FARP1: variants seen among roughly 807,000 people sequenced by gnomAD.
FARP1 encodes FERM, ARH/RhoGEF and pleckstrin domain protein 1.
In FARP1, 52 loss-of-function variants were observed where a neutral mutation model predicts 128.8. The ratio of observed to expected loss-of-function variants is 0.40; its 90% CI spans 0.32 to 0.51. The LOEUF is 0.51. Ranked by LOEUF, FARP1 falls within the 20% of genes least tolerant of loss-of-function variation. The probability of loss-of-function intolerance (pLI) is 0.45; values close to 1 mark genes in which losing one functional copy is unlikely to be tolerated. For synonymous variants in FARP1, 580 were observed against 551.8 expected (o/e 1.05, Z -0.72); for missense variants, 1,333 against 1,367.9 (o/e 0.97, Z 0.40).
intron 2 of FARP1, among the ~76,000 whole-genome samples, chr13:98,326,548 G>A (rs1887243109): frequency 6.6e-6 from 1 of 152,124 alleles, no homozygotes; most frequent in Admixed American, 6.6e-5. Flanking sequence ...CACACGTGCT[G>A]GTTCCTGCAT....
intron 2 of FARP1, among the ~76,000 whole-genome samples, chr13:98,308,048 T>C (rs1886261305): frequency 4.4e-5 from 1 of 22,702 alleles, no homozygotes. Context: ...TTTTTTTTTT[T>C]TTTTTTTTTT....
Position 98,278,411 on chromosome 13 carries a change from T to C in FARP1, c.171+64998T>C, listed in dbSNP as rs116036097. 9.5e-3 allele frequency among the ~76,000 whole-genome samples: 1,448 copies of C among 152,178 alleles called. 25 individuals carry two copies. Among genetic ancestry groups the C allele is most frequent in the African/African-American group, 0.034 (1,401 of 41,506 alleles). ...ACGTTGCATATGTGTGTGAGTGTGC[T>C]TGTGTGAGCATTGTGTATATGTGTG... On this transcript the variant is annotated intron_variant, in intron 2 of 26. Transcript: ENST00000319562.
chr13:98,210,388 C>T (rs1167757214), intron 1 of FARP1, among the ~76,000 whole-genome samples: 2 of 152,098 alleles, frequency 1.3e-5, no homozygotes, highest in Non-Finnish European at 2.9e-5. Flanking sequence ...AGCCCAGACC[C>T]AGCCTGGACA....
In FARP1 at chr13:98,439,941, T is replaced by C. The variant is rs1292984397; in HGVS notation, c.2434-20T>C. 1 of 1,524,588 alleles carries C rather than the reference T, an allele frequency of 6.6e-7. No homozygotes were observed. Among genetic ancestry groups the C allele is most frequent in the Non-Finnish European group, 8.9e-7 (1 of 1,126,044 alleles). 94.4% of individuals were successfully genotyped at this position (1,524,588 alleles called of 1,614,324 possible). On this transcript the variant is annotated intron_variant, in intron 21 of 26. Coordinates refer to ENST00000319562, the MANE Select transcript of FARP1 (RefSeq NM_005766.4). ...GTGCATCACGTGCCTCATGGTGACG[T>C]TATCTTCTCTTGCCCACAGATTGAG...
At chr13:98,362,180 C>T (rs1052626478) in intron 3 of FARP1, among the ~76,000 whole-genome samples, 1 of 152,124 alleles carries the variant, frequency 6.6e-6, no homozygotes, top group African/African-American at 2.4e-5. Context: ...GGGAGGATTG[C>T]CTGAGCCTGG....
At chr13:98,292,167 C>CT (rs1190636029) in intron 2 of FARP1, among the ~76,000 whole-genome samples, 1 of 152,222 alleles carries the variant, frequency 6.6e-6, no homozygotes, top group African/African-American at 2.4e-5. Context: ...TTCAGTGTAT[C>CT]TTACATGCTG....
chr13:98,407,564 C>T (rs1891030670), intron 13 of FARP1: 1 of 152,090 alleles, frequency 6.6e-6, no homozygotes, highest in South Asian at 2.1e-4. Flanking sequence ...TTGTCTAACA[C>T]AAGGCTTCAT....
intron 1 of FARP1, among the ~76,000 whole-genome samples, chr13:98,207,966 A>ACACACACT (rs1880391267): frequency 1.4e-5 from 2 of 144,684 alleles, no homozygotes; most frequent in Non-Finnish European, 3.0e-5. Flanking sequence ...ACACACACAC[A>ACACACACT]CACTTTGATT....
intron 1 of FARP1, among the ~76,000 whole-genome samples, chr13:98,158,863 C>T (rs866350705): frequency 6.6e-6 from 1 of 152,122 alleles, no homozygotes; most frequent in East Asian, 1.9e-4. Context: ...CTGTTTGTGG[C>T]CGCACCTGCC....
At chr13:98,390,248 G>T (rs868167597) in intron 10 of FARP1, 128 bp downstream of exon 10, 6 of 991,184 alleles carry the variant, frequency 6.1e-6, no homozygotes, top group Non-Finnish European at 7.4e-6. Flanking sequence ...ATGGCCAAGC[G>T]GGGGCGCTTG....
intron 24 of FARP1, 136 bp from the exon 25 acceptor site, chr13:98,445,962 G>C (rs1892807358): frequency 1.6e-6 from 1 of 610,706 alleles, no homozygotes; most frequent in South Asian, 2.0e-5. Context: ...CCACACACGG[G>C]GGAGCGGGGG....
intron 1 of FARP1, among the ~76,000 whole-genome samples, chr13:98,208,218 G>C (rs1880414087): frequency 6.6e-6 from 1 of 151,960 alleles, no homozygotes; most frequent in Admixed American, 6.6e-5. Context: ...GGGCCAGCGT[G>C]GTGGCTAACT....
At chr13:98,438,778 A>C in intron 19 of FARP1, 26 bp from the exon 20 acceptor site, 1 of 1,607,168 alleles carries the variant, frequency 6.2e-7, no homozygotes, top group South Asian at 1.1e-5. Flanking sequence ...GCTCGCAGCC[A>C]GCCCTCCGGT....
chr13:98,306,298 T>A (rs1388992371), intron 2 of FARP1, among the ~76,000 whole-genome samples: 3 of 152,136 alleles, frequency 2.0e-5, no homozygotes, highest in African/African-American at 7.2e-5. Context: ...CCTGACCCAC[T>A]CTAGTACCTT....
At chr13:98,371,403 G>GAT (rs1236441566) in intron 5 of FARP1, among the ~76,000 whole-genome samples, 1 of 152,076 alleles carries the variant, frequency 6.6e-6, no homozygotes, top group African/African-American at 2.4e-5. Context: ...TGTCAGTGCT[G>GAT]ATAAATTCCT....
At chr13:98,180,880 C>T (rs1020406956) in intron 1 of FARP1, among the ~76,000 whole-genome samples, 5 of 152,138 alleles carry the variant, frequency 3.3e-5, no homozygotes, top group Admixed American at 2.6e-4. Context: ...CCATAATGTG[C>T]ATTTTAATGC....
At chr13:98,351,171 C>T (rs1370258947) in intron 3 of FARP1, among the ~76,000 whole-genome samples, 1 of 152,140 alleles carries the variant, frequency 6.6e-6, no homozygotes, top group Admixed American at 6.5e-5. Context: ...TGGGCCCCCT[C>T]CTCTTGGGAA....
At chr13:98,380,322 C>T (rs750098035) in intron 6 of FARP1, among the ~76,000 whole-genome samples, 15 of 146,122 alleles carry the variant, frequency 1.0e-4, no homozygotes, top group South Asian at 2.3e-4. Context: ...TGGCGGTGGG[C>T]GCCTGTAGTC....
chr13:98,297,241 G>A (rs1784789903), intron 2 of FARP1, among the ~76,000 whole-genome samples: 1 of 152,190 alleles, frequency 6.6e-6, no homozygotes, highest in African/African-American at 2.4e-5. Context: ...CTTAGATGGT[G>A]TGTGCCCTGG....
Sources: allele counts gnomAD v4.1 joint callset (sites outside exome capture counted in the v4.1 genomes callset), GRCh38; gene constraint gnomAD v4.1.1; transcripts MANE v1.5; gene names NCBI Gene and HGNC (gene_info 2026-07-23, HGNC 2026-07-21).